The following MAP2 variants were observed in gnomAD, a reference collection of about 807,000 sequenced individuals.
The protein encoded by MAP2 is microtubule-associated protein 2.
MAP2 carries 14 observed loss-of-function variants against 137.6 expected under a neutral mutation model. That is an observed-to-expected ratio of 0.10 (90% CI 0.07 to 0.16). MAP2 has a LOEUF of 0.16. Ranked by LOEUF, MAP2 falls within the 10% of genes least tolerant of loss-of-function variation. The pLI, the probability that MAP2 is intolerant of heterozygous loss-of-function variation, is 1.00. For missense variants in MAP2, 2,088 were observed against 2,191.5 expected, an observed-to-expected ratio of 0.95 and a Z score of 0.94; for synonymous variants, 786 against 782.3, an observed-to-expected ratio of 1.00 and a Z score of -0.08.
intron 2 of MAP2, among the ~76,000 whole-genome samples, chr2:209,534,589 A>G (rs1216849534): frequency 6.6e-6 from 1 of 152,294 alleles, no homozygotes; most frequent in East Asian, 1.9e-4. Context: ...AATATGTCAA[A>G]TATTCAAACT....
chr2:209,519,055 G>C (rs914236916), intron 2 of MAP2, among the ~76,000 whole-genome samples: 1 of 151,946 alleles, frequency 6.6e-6, no homozygotes, highest in African/African-American at 2.4e-5. Context: ...AATCAAAATT[G>C]TTGAGGGAAT....
At position 209,726,579 on chromosome 2, in the gene MAP2, GAAA is replaced by G. The variant is rs2074096511; in HGVS notation, c.5155+790_5155+792del. 2.0e-5 allele frequency among the ~76,000 whole-genome samples: 3 copies of G among 152,196 alleles called. No individual in the cohort carries two copies. In the East Asian group the frequency reaches 5.8e-4, roughly 29 times the overall value. On this transcript the variant is annotated intron_variant, in intron 14 of 15. Transcript: ENST00000682079. Reference sequence around the variant, plus strand: ...CTTGAGACAGACTCAGCAACATAGGGAAACCCCTGTCTCAATAAAAAATAAAAA... The same window carrying G: ...CTTGAGACAGACTCAGCAACATAGGGCCCCTGTCTCAATAAAAAATAAAAA...
intron 1 of MAP2, among the ~76,000 whole-genome samples, chr2:209,474,405 T>C (rs781443445): frequency 2.0e-5 from 3 of 152,138 alleles, no homozygotes; most frequent in Non-Finnish European, 4.4e-5. Flanking sequence ...AAGGCAGTTA[T>C]ATCGCTGTTA....
intron 7 of MAP2, among the ~76,000 whole-genome samples, chr2:209,685,735 C>T (rs915429402): frequency 2.6e-5 from 4 of 152,084 alleles, no homozygotes; most frequent in African/African-American, 9.7e-5. Flanking sequence ...ATAGAAAATA[C>T]CATTTACCAT....
chr2:209,624,128 T>C (rs1042674168), intron 3 of MAP2, among the ~76,000 whole-genome samples: 11 of 152,154 alleles, frequency 7.2e-5, no homozygotes, highest in Non-Finnish European at 1.6e-4. Flanking sequence ...TCTTTCCAAC[T>C]TGCATTTCCT....
Position 209,635,345 on chromosome 2 carries a change from G to A in MAP2, c.-30+10216G>A, listed in dbSNP as rs952070783. ...ATAAAAAGACAAATTGGCATAGCCA[G>A]TTAAAAACTCATTTTTGTACTGAAG... On this transcript the variant is annotated intron_variant, in intron 4 of 15. Coordinates refer to ENST00000682079, the MANE Select transcript of MAP2 (RefSeq NM_001375505.1). Among the ~76,000 whole-genome samples, 7 of 152,206 alleles carry A rather than the reference G, an allele frequency of 4.6e-5. No homozygotes were observed. The East Asian group carries it at 5.8e-4, about 13-fold the overall frequency.
At chr2:209,567,915 G>A (rs1021286613) in intron 2 of MAP2, among the ~76,000 whole-genome samples, 6 of 151,878 alleles carry the variant, frequency 4.0e-5, no homozygotes, top group East Asian at 3.9e-4. Flanking sequence ...GAAACAGTAC[G>A]CCCACTCTTC....
At chr2:209,703,407 C>T (rs1489601373) in intron 11 of MAP2, among the ~76,000 whole-genome samples, 4 of 151,962 alleles carry the variant, frequency 2.6e-5, no homozygotes, top group Non-Finnish European at 5.9e-5. Flanking sequence ...ACCTTAAAGG[C>T]TGTGTTTATT....
intron 1 of MAP2, among the ~76,000 whole-genome samples, chr2:209,443,567 C>T (rs572863876): frequency 7.2e-4 from 3 of 4,172 alleles, no homozygotes; most frequent in East Asian, 1.8e-3. Flanking sequence ...CCAGTCTCTT[C>T]AACGACCCAC....
At chr2:209,489,318 C>A (rs2058787163) in intron 1 of MAP2, among the ~76,000 whole-genome samples, 1 of 152,154 alleles carries the variant, frequency 6.6e-6, no homozygotes, top group Non-Finnish European at 1.5e-5. Flanking sequence ...GGTAGATAAT[C>A]CACAAAGATG....
At chr2:209,655,304 A>G (rs1344316943) in intron 5 of MAP2, among the ~76,000 whole-genome samples, 1 of 152,212 alleles carries the variant, frequency 6.6e-6, no homozygotes, top group Non-Finnish European at 1.5e-5. Context: ...AAAATTGTAA[A>G]CAGTCAGCCA....
chr2:209,605,967 T>C lies in MAP2; in HGVS notation c.-106-19086T>C, dbSNP rs1040121192. Among the ~76,000 whole-genome samples the C allele has an allele frequency of 3.3e-5, 5 of 152,176 alleles. No homozygotes were observed. The East Asian group carries it at 9.6e-4, about 29-fold the overall frequency. Reference sequence around the variant, plus strand: ...CTCAAGAGGAAAGACCTTGACCTTTTGAGAAAGGGTAAAGTTAGTGTTAAC... The same window carrying C: ...CTCAAGAGGAAAGACCTTGACCTTTCGAGAAAGGGTAAAGTTAGTGTTAAC... On this transcript the variant is annotated intron_variant, in intron 3 of 15. Transcript: ENST00000682079.
At position 209,497,247 on chromosome 2, in the gene MAP2, T is replaced by C. The variant is rs115549869; in HGVS notation, c.-221-10345T>C. Among the ~76,000 whole-genome samples the C allele has an allele frequency of 1.8e-3, 273 of 152,270 alleles. 3 individuals are homozygous for C. The highest frequency in any genetic ancestry group is 6.3e-3 in the African/African-American group (261 of 41,544). On this transcript the variant is annotated intron_variant, in intron 1 of 15. Coordinates refer to ENST00000682079, the MANE Select transcript of MAP2 (RefSeq NM_001375505.1). ...TCATCAGAGTGGGGCCCTAATCCAG[T>C]AGGGTTGGTGGCCTCATAAGAAGAG... is the stretch of plus-strand genomic sequence containing the variant.
chr2:209,505,806 T>A (rs1235347899), intron 1 of MAP2, among the ~76,000 whole-genome samples: 1 of 151,920 alleles, frequency 6.6e-6, no homozygotes, highest in Non-Finnish European at 1.5e-5. Context: ...ACTCCATCTC[T>A]ACAAAAAATA....
chr2:209,650,106 A>C (rs557374435), intron 4 of MAP2, among the ~76,000 whole-genome samples: 1 of 152,206 alleles, frequency 6.6e-6, no homozygotes, highest in Admixed American at 6.5e-5. Flanking sequence ...AGAAAGCTCT[A>C]TGGCAGGGGG....
chr2:209,547,652 T>G (rs2068354781), intron 2 of MAP2, among the ~76,000 whole-genome samples: 1 of 152,194 alleles, frequency 6.6e-6, no homozygotes, highest in South Asian at 2.1e-4. Flanking sequence ...ACATGTTACT[T>G]AACCTCTCTG....
chr2:209,723,634 C>G, intron 13 of MAP2: 1 of 1,613,980 alleles, frequency 6.2e-7, no homozygotes, highest in South Asian at 1.1e-5. Context: ...TAGCAAAGTT[C>G]AGTCCAGATG....
intron 5 of MAP2, among the ~76,000 whole-genome samples, chr2:209,672,245 T>A (rs1397245362): frequency 6.6e-6 from 1 of 151,832 alleles, no homozygotes; most frequent in Non-Finnish European, 1.5e-5. Context: ...AGGAGCCTGA[T>A]GTATTGTCTG....
At chr2:209,461,667 C>T (rs1324622103) in intron 1 of MAP2, among the ~76,000 whole-genome samples, 2 of 152,130 alleles carry the variant, frequency 1.3e-5, no homozygotes, top group Non-Finnish European at 2.9e-5. Context: ...TCAGGCTGGT[C>T]TTGAACTCCC....
Sources: allele counts gnomAD v4.1 joint callset (sites outside exome capture counted in the v4.1 genomes callset), GRCh38; gene constraint gnomAD v4.1.1; transcripts MANE v1.5; gene names NCBI Gene and HGNC (gene_info 2026-07-23, HGNC 2026-07-21).